The following AMER3 variants were observed in gnomAD, a reference collection of about 807,000 sequenced individuals.
AMER3 encodes the protein family with sequence similarity 123C.
For missense variants in AMER3, 1,201 were observed against 1,139.4 expected, an observed-to-expected ratio of 1.05 and a Z score of -0.78; for synonymous variants, 541 against 485.5, an observed-to-expected ratio of 1.11 and a Z score of -1.50.
Position 130,764,118 on chromosome 2 carries a change from C to T in AMER3, c.2046C>T (p.Ala682=). 6.2e-7 allele frequency: 1 copy of T among 1,611,962 alleles called. No homozygotes were observed. Among genetic ancestry groups the T allele is most frequent in the Non-Finnish European group, 8.5e-7 (1 of 1,179,404 alleles). ...CAGGCTGTGTGGCCCGTGTGGCAGC[C>T]CTGAAGATCAGCTCAAACGAACAGC... The part of the protein sequence containing the change: ...MLAGCVARVA[A]LKISSNEQPP... Residue 682 remains alanine (A), a synonymous_variant, in exon 2 of 2, where the codon GCC becomes GCT. Transcript: ENST00000321420.
chr2:130,758,603 T>A (rs1237342518), intron 1 of AMER3, among the ~76,000 whole-genome samples: 1 of 152,230 alleles, frequency 6.6e-6, no homozygotes, highest in Non-Finnish European at 1.5e-5. Context: ...AAGTAATAGC[T>A]CACCGCCTAC....
chr2:130,760,214 CT>C (rs1317270285), intron 1 of AMER3, among the ~76,000 whole-genome samples: 4 of 152,208 alleles, frequency 2.6e-5, no homozygotes, highest in African/African-American at 9.7e-5. Context: ...GTGCCTACTT[CT>C]TCTCATCCTC....
At position 130,762,237 on chromosome 2, in the gene AMER3, C is replaced by T. The variant is rs768996309; in HGVS notation, c.165C>T (p.Ala55=). ...QRPHSEKGPQ[A]SPSAQEYDRC... ...CCCACAGTGAGAAGGGCCCCCAAGC[C>T]AGCCCCAGTGCCCAAGAATACGACA... Residue 55 remains alanine, a synonymous_variant, in exon 2 of 2, where the codon GCC becomes GCT. Coordinates refer to ENST00000321420, the MANE Select transcript of AMER3 (RefSeq NM_152698.3). 6.3e-7 allele frequency: 1 copy of T among 1,578,724 alleles called. No individual in the cohort carries two copies. Among genetic ancestry groups the T allele is most frequent in the Non-Finnish European group, 8.6e-7 (1 of 1,163,054 alleles).
At chr2:130,757,819 T>C (rs527773553) in intron 1 of AMER3, among the ~76,000 whole-genome samples, 1 of 152,352 alleles carries the variant, frequency 6.6e-6, no homozygotes, top group South Asian at 2.1e-4. Context: ...AGGGTCCTGG[T>C]GTCAATGCTG....
Position 130,764,541 on chromosome 2 carries a change from G to A in AMER3, c.2469G>A (p.Gly823=), listed in dbSNP as rs1164023316. 3.7e-6 allele frequency: 6 copies of A among 1,603,968 alleles called. No individual in the cohort carries two copies. In the African/African-American group the frequency reaches 8.0e-5, roughly 21 times the overall value. The change falls in exon 2 of 2, where the codon GGG becomes GGA. Residue 823 remains glycine (G), a synonymous_variant. Transcript: ENST00000321420. ...LGLTLNSQQE[G]GVSASAPECR... is the part of the protein sequence containing the mutation. The stretch of plus-strand genomic sequence containing the variant: ...TCACTTTGAACAGCCAGCAGGAAGG[G>A]GGGGTCTCTGCAAGTGCCCCAGAAT...
Position 130,762,684 on chromosome 2 carries a change from G to A in AMER3, c.612G>A (p.Pro204=), listed in dbSNP as rs534079166. Residue 204 remains proline (P), a synonymous_variant, in exon 2 of 2, where the codon CCG becomes CCA. Transcript: ENST00000321420. ...GGCGAAGCAAAGCCTTCCTCCCCCC[G>A]GGTGAGGGGCCGGGGCTGGACGGCC... ...GGRRSKAFLP[P]GEGPGLDGLC... 94 of 1,611,262 alleles carry A rather than the reference G, an allele frequency of 5.8e-5. 1 individual carries two copies. Among genetic ancestry groups the A allele is most frequent in the South Asian group, 4.2e-4 (38 of 91,036 alleles).
chr2:130,760,567 C>T (rs963161373), intron 1 of AMER3, among the ~76,000 whole-genome samples: 11 of 152,156 alleles, frequency 7.2e-5, no homozygotes, highest in African/African-American at 2.4e-4. Context: ...CCGTGTAGTC[C>T]TTATGGAGAG....
chr2:130,756,825 C>A (rs1305665076), intron 1 of AMER3, among the ~76,000 whole-genome samples: 3 of 151,920 alleles, frequency 2.0e-5, no homozygotes, highest in Non-Finnish European at 4.4e-5. Context: ...CACCCCCACC[C>A]CAGAGCACGG....
In AMER3 at chr2:130,762,617, A is replaced by G. The variant is rs200390810; in HGVS notation, c.545A>G (p.Lys182Arg). Residue 182 changes from lysine (K) to arginine (R), a missense_variant, in exon 2 of 2, where the codon AAA becomes AGA. By Grantham distance (26) the Lys-to-Arg change is conservative (BLOSUM62 2). Transcript: ENST00000321420. ...TTGGCCTCGCTGGCGGCCGAGGGGA[A>G]AAGCCTGCCCTCCCCAGGGGACCCG... ...EDLASLAAEGKSLPSPGDPSD... is the reference protein window; with the variant it reads ...EDLASLAAEGRSLPSPGDPSD... 9 of 1,612,372 alleles carry G rather than the reference A, an allele frequency of 5.6e-6. 1 individual carries two copies. In the African/African-American group the frequency reaches 1.1e-4, roughly 19 times the overall value.
chr2:130,760,775 G>A (rs1678752647), intron 1 of AMER3, among the ~76,000 whole-genome samples: 1 of 152,108 alleles, frequency 6.6e-6, no homozygotes, highest in South Asian at 2.1e-4. Context: ...CCTGGGTACT[G>A]AAGGTCTCCA....
intron 1 of AMER3, among the ~76,000 whole-genome samples, chr2:130,760,386 G>A (rs893901997): frequency 4.6e-5 from 7 of 152,130 alleles, no homozygotes; most frequent in Middle Eastern, 3.2e-3. Flanking sequence ...GCAGTCCCTC[G>A]CCCCCCTGGG....
Position 130,764,597 on chromosome 2 carries a change from T to G in AMER3, c.2525T>G (p.Leu842Arg), listed in dbSNP as rs1678931707. ...TGCAGCCTCCTGGCCCGTGAGGGCC[T>G]CCTCTGTGGCCAGCCAGAAGTGGGG... is the stretch of plus-strand genomic sequence containing the variant. ...CRCSLLAREG[L>R]LCGQPEVGAS... Residue 842 changes from leucine (L) to arginine (R), a missense_variant, in exon 2 of 2, where the codon CTC becomes CGC. Transcript: ENST00000321420. 3 of 1,606,744 alleles carry G rather than the reference T, an allele frequency of 1.9e-6. No individual in the cohort carries two copies. The highest frequency in any genetic ancestry group is 3.4e-5 in the Admixed American group (2 of 59,322).
chr2:130,765,220 C>T lies in AMER3; in HGVS notation c.*562C>T, dbSNP rs905209796. The T allele has an allele frequency of 6.0e-6, 1 of 167,222 alleles. No individual in the cohort carries two copies. The highest frequency in any genetic ancestry group is 2.4e-5 in the African/African-American group (1 of 41,360). 10.4% of individuals were successfully genotyped at this position (167,222 alleles called of 1,614,324 possible). A position where few individuals can be genotyped will look rare whatever the true frequency, so the allele number is the denominator to read the frequency against. On this transcript the variant is annotated 3_prime_UTR_variant, in exon 2 of 2. Transcript: ENST00000321420. ...TAAAAACACAACAGAACACATCAGC[C>T]ACTTCACACAATAAAATAGGCAATA...
intron 1 of AMER3, among the ~76,000 whole-genome samples, chr2:130,760,617 C>CA (rs1225920568): frequency 6.6e-6 from 1 of 152,152 alleles, no homozygotes; most frequent in Non-Finnish European, 1.5e-5. Context: ...GCCAGACTGA[C>CA]AGAGTACTGA....
Position 130,763,920 on chromosome 2 carries a change from G to A in AMER3, c.1848G>A (p.Met616Ile). Residue 616 changes from methionine (M) to isoleucine (I), a missense_variant, in exon 2 of 2, where the codon ATG becomes ATA. Physicochemically the swap from Met to Ile is conservative, Grantham distance 10 (BLOSUM62 1). Coordinates refer to ENST00000321420, the MANE Select transcript of AMER3 (RefSeq NM_152698.3). ...ACTCTGAAGGCTTGTTCTCCTCTAT[G>A]GAGTCTGCAGCCACTTCGACAACAG... ...RGHSEGLFSS[M>I]ESAATSTTDT... 6.2e-7 allele frequency: 1 copy of A among 1,613,714 alleles called. No homozygotes were observed. The highest frequency in any genetic ancestry group is 1.1e-5 in the South Asian group (1 of 91,090).
Position 130,762,473 on chromosome 2 carries a change from C to T in AMER3, c.401C>T (p.Pro134Leu). The T allele has an allele frequency of 6.2e-7, 1 of 1,613,158 alleles. No individual in the cohort carries two copies. Among genetic ancestry groups the T allele is most frequent in the Non-Finnish European group, 8.5e-7 (1 of 1,180,004 alleles). Reference protein sequence around the residue: ...RRMIDYRHFVPQMPFVPAVAK... With the variant: ...RRMIDYRHFVLQMPFVPAVAK... ...ATGATCGACTACCGCCACTTTGTGCCCCAGATGCCCTTTGTGCCAGCTGTG... is the reference window on the plus strand; with the variant it reads ...ATGATCGACTACCGCCACTTTGTGCTCCAGATGCCCTTTGTGCCAGCTGTG... Residue 134 changes from proline to leucine, a missense_variant, in exon 2 of 2, where the codon CCC becomes CTC. Pro to Leu is a moderately conservative substitution (Grantham distance 98). Transcript: ENST00000321420.
intron 1 of AMER3, among the ~76,000 whole-genome samples, chr2:130,759,014 G>A (rs1678702096): frequency 6.6e-6 from 1 of 152,220 alleles, no homozygotes; most frequent in African/African-American, 2.4e-5. Context: ...CAACCACCCA[G>A]GGAGTTCCCA....
Position 130,762,961 on chromosome 2 carries a change from T to C in AMER3, c.889T>C (p.Ser297Pro), listed in dbSNP as rs1678843020. 1 of 1,613,026 alleles carries C rather than the reference T, an allele frequency of 6.2e-7. No homozygotes were observed. The highest frequency in any genetic ancestry group is 8.5e-7 in the Non-Finnish European group (1 of 1,179,898). The change falls in exon 2 of 2, where the codon TCG becomes CCG. Residue 297 changes from serine to proline, a missense_variant. Transcript: ENST00000321420. ...PLQGSVEQLA[S>P]PAQNEASDFT... ...CCAGGGCAGTGTGGAGCAGCTGGCCTCGCCCGCCCAGAATGAAGCCTCTGA... is the reference window on the plus strand; with the variant it reads ...CCAGGGCAGTGTGGAGCAGCTGGCCCCGCCCGCCCAGAATGAAGCCTCTGA...
Position 130,762,372 on chromosome 2 carries a change from G to A in AMER3, c.300G>A (p.Gly100=). The A allele has an allele frequency of 1.9e-6, 3 of 1,611,978 alleles. No individual in the cohort carries two copies. Among genetic ancestry groups the A allele is most frequent in the Non-Finnish European group, 2.5e-6 (3 of 1,179,730 alleles). The change falls in exon 2 of 2, where the codon GGG becomes GGA. Residue 100 remains glycine (G), a synonymous_variant. Coordinates refer to ENST00000321420, the MANE Select transcript of AMER3 (RefSeq NM_152698.3). ...GCAAGACTCACGACAGCATGTCTGG[G>A]GCAGGCAGGGCCACGGCTGCCACAG... ...RKCKTHDSMS[G]AGRATAATGQ... is the part of the protein sequence containing the mutation.
Sources: allele counts gnomAD v4.1 joint callset (sites outside exome capture counted in the v4.1 genomes callset), GRCh38; gene constraint gnomAD v4.1.1; transcripts MANE v1.5; gene names NCBI Gene and HGNC (gene_info 2026-07-23, HGNC 2026-07-21).